NRXN3: variants seen among roughly 807,000 people sequenced by gnomAD.
The protein encoded by NRXN3 is neurexin III.
In NRXN3, 32 loss-of-function variants were observed where a neutral mutation model predicts 137.6. The ratio of observed to expected loss-of-function variants is 0.23; its 90% CI spans 0.18 to 0.31. NRXN3 has a LOEUF of 0.31. NRXN3 is among the 10% of genes least tolerant of loss of function. The probability of loss-of-function intolerance (pLI) is 1.00; values close to 1 mark genes in which losing one functional copy is unlikely to be tolerated. For missense variants in NRXN3, 1,574 were observed against 2,062.5 expected, an observed-to-expected ratio of 0.76 and a Z score of 4.59; for synonymous variants, 798 against 784.5, an observed-to-expected ratio of 1.02 and a Z score of -0.29.
intron 1 of NRXN3, among the ~76,000 whole-genome samples, chr14:78,183,306 T>C (rs1307781904): frequency 6.6e-6 from 1 of 152,078 alleles, no homozygotes; most frequent in African/African-American, 2.4e-5. Flanking sequence ...TGCTAATTAG[T>C]GAGATGCTTG....
intron 19 of NRXN3, among the ~76,000 whole-genome samples, chr14:79,759,857 ATATATC>A (rs1180174285): frequency 2.0e-5 from 3 of 151,726 alleles, no homozygotes; most frequent in African/African-American, 7.3e-5. Flanking sequence ...TCAGATCAAA[ATATATC>A]TATATGACAT....
chr14:79,431,869 T>G (rs1350660052), intron 15 of NRXN3, among the ~76,000 whole-genome samples: 1 of 152,174 alleles, frequency 6.6e-6, no homozygotes, highest in African/African-American at 2.4e-5. Flanking sequence ...TATCTATCTT[T>G]TTACTCCATT....
At chr14:78,407,243 GA>G (rs967647923) in intron 4 of NRXN3, among the ~76,000 whole-genome samples, 2 of 150,560 alleles carry the variant, frequency 1.3e-5, no homozygotes, top group Admixed American at 6.6e-5. Flanking sequence ...CATGGGTAAT[GA>G]AAAAAAAATA....
At chr14:78,600,094 G>T (rs1372117016) in intron 4 of NRXN3, among the ~76,000 whole-genome samples, 1 of 152,146 alleles carries the variant, frequency 6.6e-6, no homozygotes, top group Non-Finnish European at 1.5e-5. Flanking sequence ...GGTGACCGAG[G>T]GGGGCAGAGG....
At chr14:79,757,225 C>G (rs552746957) in intron 19 of NRXN3, among the ~76,000 whole-genome samples, 5 of 152,110 alleles carry the variant, frequency 3.3e-5, no homozygotes, top group East Asian at 3.8e-4. Flanking sequence ...TTAGCAACAA[C>G]GTATTCAGAT....
chr14:79,076,126 C>T (rs749137856), intron 15 of NRXN3, among the ~76,000 whole-genome samples: 3 of 152,170 alleles, frequency 2.0e-5, no homozygotes, highest in Admixed American at 6.6e-5. Context: ...GGGTGAGACA[C>T]GTGCTGGCCA....
intron 16 of NRXN3, among the ~76,000 whole-genome samples, chr14:79,659,475 A>T (rs2098522626): frequency 6.6e-6 from 1 of 152,162 alleles, no homozygotes; most frequent in African/African-American, 2.4e-5. Flanking sequence ...AAATTGTTTT[A>T]ATATATATTC....
chr14:78,587,886 CCTT>C (rs1358473546), intron 4 of NRXN3, among the ~76,000 whole-genome samples: 1 of 151,986 alleles, frequency 6.6e-6, no homozygotes, highest in Non-Finnish European at 1.5e-5. Context: ...TAGTTTGCTA[CCTT>C]CTTCTTCATT....
intron 4 of NRXN3, among the ~76,000 whole-genome samples, chr14:78,483,010 T>C (rs2095499234): frequency 6.6e-6 from 1 of 152,212 alleles, no homozygotes; most frequent in Non-Finnish European, 1.5e-5. Context: ...CTGAGAACAC[T>C]TCTCATTTCC....
intron 8 of NRXN3, among the ~76,000 whole-genome samples, chr14:78,801,210 A>T (rs2098837746): frequency 6.6e-6 from 1 of 152,168 alleles, no homozygotes; most frequent in Non-Finnish European, 1.5e-5. Context: ...AGTCCCAGCT[A>T]CTTGCAAGGC....
chr14:78,451,132 G>C (rs2094542025), intron 4 of NRXN3, among the ~76,000 whole-genome samples: 1 of 152,134 alleles, frequency 6.6e-6, no homozygotes, highest in African/African-American at 2.4e-5. Flanking sequence ...GGGTCCTTGA[G>C]TCATGTGAGG....
At chr14:78,241,684 A>G (rs2067103381) in intron 1 of NRXN3, among the ~76,000 whole-genome samples, 1 of 152,100 alleles carries the variant, frequency 6.6e-6, no homozygotes, top group African/African-American at 2.4e-5. Context: ...CCTCTCTTCA[A>G]TCTTGGGAAG....
intron 16 of NRXN3, among the ~76,000 whole-genome samples, chr14:79,661,475 G>C (rs1429866066): frequency 6.6e-6 from 1 of 152,068 alleles, no homozygotes; most frequent in African/African-American, 2.4e-5. Flanking sequence ...GACATACTAA[G>C]TGATAAATGG....
intron 4 of NRXN3, among the ~76,000 whole-genome samples, chr14:78,357,297 C>G (rs1398947245): frequency 1.3e-5 from 2 of 152,114 alleles, no homozygotes; most frequent in African/African-American, 4.8e-5. Context: ...TATTTTTAAA[C>G]CATCGGATCT....
chr14:78,577,863 C>T (rs949016120), intron 4 of NRXN3, among the ~76,000 whole-genome samples: 6 of 152,162 alleles, frequency 3.9e-5, no homozygotes, highest in Non-Finnish European at 7.3e-5. Flanking sequence ...TGGTTTAATG[C>T]TCTCTTGAGA....
At chr14:79,145,167 G>C (rs1447102474) in intron 15 of NRXN3, among the ~76,000 whole-genome samples, 1 of 152,128 alleles carries the variant, frequency 6.6e-6, no homozygotes, top group African/African-American at 2.4e-5. Context: ...CAGTCATTGA[G>C]ATACATAAGG....
At chr14:78,655,995 C>T (rs952689254) in intron 6 of NRXN3, among the ~76,000 whole-genome samples, 3 of 152,134 alleles carry the variant, frequency 2.0e-5, no homozygotes, top group African/African-American at 7.2e-5. Flanking sequence ...TCATGAGGGA[C>T]CTTCATGACC....
chr14:79,342,650 A>G (rs1005519595), intron 15 of NRXN3, among the ~76,000 whole-genome samples: 1 of 152,146 alleles, frequency 6.6e-6, no homozygotes, highest in Non-Finnish European at 1.5e-5. Context: ...GTTCTGTCCT[A>G]CTCAGCTGCG....
At chr14:78,576,969 G>A (rs921969403) in intron 4 of NRXN3, among the ~76,000 whole-genome samples, 3 of 152,120 alleles carry the variant, frequency 2.0e-5, no homozygotes, top group African/African-American at 7.2e-5. Flanking sequence ...ATGACCTTCT[G>A]TCTGGGCTGT....
Sources: gnomAD v4.1 joint callset for allele counts (sites outside exome capture counted in the v4.1 genomes callset) on GRCh38, gnomAD v4.1.1 for gene constraint, MANE v1.5 for transcripts, NCBI Gene and HGNC (gene_info 2026-07-23, HGNC 2026-07-21) for gene names.